Variants in RASGRF1 observed in about 807,000 individuals in gnomAD.
The protein encoded by RASGRF1 is Ras protein specific guanine nucleotide releasing factor 1, also known as ras-specific guanine nucleotide-releasing factor 1.
Under a neutral mutation model 138.7 loss-of-function variants are expected in RASGRF1, and 40 were observed. That is an observed-to-expected ratio of 0.29 (90% CI 0.22 to 0.38). RASGRF1 has a LOEUF of 0.38. Ranked by LOEUF, RASGRF1 falls within the 10% of genes least tolerant of loss-of-function variation. The pLI, the probability that RASGRF1 is intolerant of heterozygous loss-of-function variation, is 1.00. For missense variants in RASGRF1, 1,108 were observed against 1,650.4 expected (o/e 0.67, Z 5.69); for synonymous variants, 614 against 663.2 (o/e 0.93, Z 1.14).
intron 26 of RASGRF1, among the ~76,000 whole-genome samples, chr15:78,963,751 T>C (rs1189265425): frequency 6.6e-6 from 1 of 152,232 alleles, no homozygotes; most frequent in African/African-American, 2.4e-5. Context: ...ATAAAGTGAT[T>C]ACTATGTCTG....
chr15:79,045,935 G>A (rs1314433088), intron 5 of RASGRF1, among the ~76,000 whole-genome samples: 1 of 152,224 alleles, frequency 6.6e-6, no homozygotes, highest in Non-Finnish European at 1.5e-5. Flanking sequence ...TGATTTACTT[G>A]AATTCTTAGA....
chr15:79,008,074 C>T lies in RASGRF1; in HGVS notation c.1827-1640G>A, dbSNP rs531068583. Among the ~76,000 whole-genome samples the T allele has an allele frequency of 1.9e-4, 29 of 152,268 alleles. No individual in the cohort carries two copies. In the South Asian group the frequency reaches 2.5e-3, roughly 13 times the overall value. On this transcript the variant is annotated intron_variant, in intron 13 of 26. Transcript: ENST00000558480. ...GCCAGGCTGGTCTCAAACTCTTGAC[C>T]TCTTGATCCACCTGCCTTGGCCTCC...
At chr15:78,998,860 G>C (rs1191244080) in intron 17 of RASGRF1, 35 bp from the exon 18 acceptor site, 3 of 1,533,986 alleles carry the variant, frequency 2.0e-6, no homozygotes, top group Non-Finnish European at 2.7e-6. Flanking sequence ...AGAGAGGACA[G>C]GTGAGGACAA....
At chr15:79,025,291 A>C (rs752529690) in intron 10 of RASGRF1, 23 bp downstream of exon 10, 56 of 1,571,184 alleles carry the variant, frequency 3.6e-5, no homozygotes, top group Non-Finnish European at 4.6e-5. Context: ...GCAGCCCCCA[A>C]GCCCCTCTCC....
chr15:78,962,725 A>C (rs892443392), intron 26 of RASGRF1, among the ~76,000 whole-genome samples: 2 of 152,102 alleles, frequency 1.3e-5, no homozygotes, highest in Non-Finnish European at 2.9e-5. Flanking sequence ...TCTACAAAAA[A>C]TCAAAAAAGT....
At chr15:78,974,769 A>G (rs576961461) in intron 24 of RASGRF1, among the ~76,000 whole-genome samples, 13 of 152,370 alleles carry the variant, frequency 8.5e-5, no homozygotes, top group African/African-American at 3.1e-4. Flanking sequence ...GTTGGCAAAC[A>G]TCAGTATTTG....
At chr15:79,042,945 C>T (rs968987085) in intron 5 of RASGRF1, among the ~76,000 whole-genome samples, 1 of 152,208 alleles carries the variant, frequency 6.6e-6, no homozygotes, top group Non-Finnish European at 1.5e-5. Context: ...TGTGCTGTCC[C>T]TAAGTGATCA....
At chr15:79,030,470 G>T (rs1473585602) in intron 8 of RASGRF1, among the ~76,000 whole-genome samples, 1 of 152,180 alleles carries the variant, frequency 6.6e-6, no homozygotes, top group Non-Finnish European at 1.5e-5. Context: ...AACACCATCT[G>T]CAAGCTGATG....
intron 5 of RASGRF1, among the ~76,000 whole-genome samples, chr15:79,044,623 G>A (rs1420175938): frequency 6.6e-6 from 1 of 152,206 alleles, no homozygotes; most frequent in African/African-American, 2.4e-5. Flanking sequence ...ATTGACAACA[G>A]AAAGGGAAAA....
intron 5 of RASGRF1, among the ~76,000 whole-genome samples, chr15:79,041,172 C>T (rs557452714): frequency 6.6e-6 from 1 of 152,302 alleles, no homozygotes. Flanking sequence ...TGGTTGAAAA[C>T]AAAAGAAAAG....
At chr15:79,072,622 T>C (rs1038319630) in intron 1 of RASGRF1, among the ~76,000 whole-genome samples, 10 of 152,140 alleles carry the variant, frequency 6.6e-5, no homozygotes, top group Non-Finnish European at 7.4e-5. Context: ...ACAATGACCC[T>C]GCATAGCACC....
Position 79,017,847 on chromosome 15 carries a change from C to A in RASGRF1, c.1666G>T (p.Asp556Tyr), listed in dbSNP as rs1300323182. The change falls in exon 12 of 27, where the codon GAT becomes TAT. Residue 556 changes from aspartate to tyrosine, a missense_variant. By Grantham distance (160) the Asp-to-Tyr change is radical. Coordinates refer to ENST00000558480, the MANE Select transcript of RASGRF1 (RefSeq NM_001145648.3). ...LDFKIGVEPK[D>Y]SPPFTVILVA... ...AGGATGACTGTAAAGGGCGGGGAAT[C>A]CTTTGGCTCCACCCCGATTTTAAAA... 6.8e-6 allele frequency: 11 copies of A among 1,613,576 alleles called. No individual in the cohort carries two copies. Among genetic ancestry groups the A allele is most frequent in the South Asian group, 1.1e-5 (1 of 90,970 alleles).
chr15:79,024,579 A>G (rs2057018508), intron 10 of RASGRF1, among the ~76,000 whole-genome samples: 1 of 152,160 alleles, frequency 6.6e-6, no homozygotes, highest in Non-Finnish European at 1.5e-5. Flanking sequence ...TAATTGAATC[A>G]TGGGGGTAGA....
chr15:79,030,227 G>A (rs1394285945), intron 8 of RASGRF1, among the ~76,000 whole-genome samples: 1 of 152,136 alleles, frequency 6.6e-6, no homozygotes, highest in African/African-American at 2.4e-5. Flanking sequence ...CCGGCCTCAG[G>A]AAGACTTTTA....
intron 26 of RASGRF1, among the ~76,000 whole-genome samples, chr15:78,963,272 G>A (rs1220833557): frequency 2.6e-5 from 4 of 151,886 alleles, no homozygotes; most frequent in South Asian, 2.1e-4. Flanking sequence ...ATTTTTCCCC[G>A]CTACATAAAT....
At position 79,006,539 on chromosome 15, in the gene RASGRF1, G is replaced by T; in HGVS notation, c.1827-105C>A. ...CTTCCCCCACACACTGACAACACAG[G>T]ATGGTCTTATTAAGAGAACAAGCTT... On this transcript the variant is annotated intron_variant, in intron 13 of 26. Transcript: ENST00000558480. The surrounding 1 kb of genome is among the most constrained non-coding windows in gnomAD (Gnocchi z 4.0). 7.3e-7 allele frequency: 1 copy of T among 1,375,768 alleles called. No homozygotes were observed. The highest frequency in any genetic ancestry group is 9.9e-7 in the Non-Finnish European group (1 of 1,013,552). The allele number at this position is 1,375,768 out of a possible 1,614,324, so 85.2% of individuals were successfully genotyped here.
rs150222693 is a variant in RASGRF1, at chr15:79,004,095, C to T, written c.2156G>A (p.Arg719His). 4.5e-5 allele frequency: 73 copies of T among 1,613,698 alleles called. No individual in the cohort carries two copies. Among genetic ancestry groups the T allele is most frequent in the Non-Finnish European group, 5.7e-5 (67 of 1,179,960 alleles). The change falls in exon 15 of 27, where the codon CGC becomes CAC. Residue 719 changes from arginine to histidine, a missense_variant. Physicochemically the swap from Arg to His is conservative, Grantham distance 29. This residue lies in a region of RASGRF1 where 686 missense variants were observed against 976.7 expected (regional missense o/e 0.70). Transcript: ENST00000558480. ...CAGAGGTGGCGGCGAGGAGAACTTG[C>T]GGGTGGCGCGCGGGGACTTGGGGGG... ...GEPPKSPRAT[R>H]KFSSPPPLSI...
At chr15:79,029,547 G>C (rs555051875) in intron 8 of RASGRF1, among the ~76,000 whole-genome samples, 1 of 152,172 alleles carries the variant, frequency 6.6e-6, no homozygotes, top group South Asian at 2.1e-4. Context: ...GAGTTTCAAG[G>C]TCGCGAGGCT....
At chr15:78,996,641 T>TC (rs1329448107) in intron 19 of RASGRF1, among the ~76,000 whole-genome samples, 1 of 152,050 alleles carries the variant, frequency 6.6e-6, no homozygotes, top group Non-Finnish European at 1.5e-5. Flanking sequence ...CAGGCTCCCC[T>TC]CCGAGGGTGG....
Sources: gnomAD v4.1 joint callset for allele counts (sites outside exome capture counted in the v4.1 genomes callset) on GRCh38, gnomAD v4.1.1 for gene constraint, gnomAD v4.1.1 regional missense constraint, Gnocchi (gnomAD v3.1) non-coding constraint, MANE v1.5 for transcripts, NCBI Gene and HGNC (gene_info 2026-07-23, HGNC 2026-07-21) for gene names.